Variants in THSD7B observed in about 807,000 individuals in gnomAD.
THSD7B encodes the protein thrombospondin type-1 domain-containing protein 7B.
In THSD7B, 138 loss-of-function variants were observed where a neutral mutation model predicts 213.6. The ratio of observed to expected loss-of-function variants is 0.65; its 90% CI spans 0.56 to 0.74. The LOEUF (loss-of-function observed/expected upper bound fraction) is 0.74, where lower values mean the gene tolerates loss of function less well. Among genes scored for constraint, THSD7B ranks in the 30% least tolerant of loss-of-function variants. The pLI is 0.00. For missense variants in THSD7B, 1,931 were observed against 1,991.5 expected (o/e 0.97, Z 0.58); for synonymous variants, 742 against 687.0 (o/e 1.08, Z -1.25).
At chr2:137,632,108 C>T (rs923948705) in intron 20 of THSD7B, among the ~76,000 whole-genome samples, 2 of 152,096 alleles carry the variant, frequency 1.3e-5, no homozygotes, top group African/African-American at 4.8e-5. Context: ...TCTCCAAAGC[C>T]CCCATTTGTT....
At chr2:137,611,648 A>G (rs1443920453) in intron 17 of THSD7B, among the ~76,000 whole-genome samples, 7 of 152,144 alleles carry the variant, frequency 4.6e-5, no homozygotes, top group Non-Finnish European at 1.0e-4. Flanking sequence ...AAGTTTGAAA[A>G]AACAAACAAA....
intron 15 of THSD7B, among the ~76,000 whole-genome samples, chr2:137,507,612 C>G (rs1385161608): frequency 6.6e-6 from 1 of 152,120 alleles, no homozygotes; most frequent in Non-Finnish European, 1.5e-5. Flanking sequence ...GTTATAATTA[C>G]CCTTCAAATA....
rs565638357 is a variant in THSD7B, at chr2:137,027,569, G to C, written c.140-28851G>C. On this transcript the variant is annotated intron_variant, in intron 2 of 27. Transcript: ENST00000409968. ...ATCCTCACTGAAGAAGTGCTTCCCA[G>C]TAACAAACATGTGCTATGAAAGAGG... Among the ~76,000 whole-genome samples, 6 of 152,270 alleles carry C rather than the reference G, an allele frequency of 3.9e-5. No homozygotes were observed. In the East Asian group the frequency reaches 1.2e-3, roughly 29 times the overall value.
At chr2:137,091,671 T>C (rs909174877) in intron 3 of THSD7B, among the ~76,000 whole-genome samples, 10 of 152,104 alleles carry the variant, frequency 6.6e-5, no homozygotes, top group African/African-American at 2.4e-4. Context: ...TTCCTGTGTA[T>C]GTGCCTGTGT....
chr2:137,115,305 G>T lies in THSD7B; in HGVS notation c.1369+12G>T. On this transcript the variant is annotated intron_variant, in intron 5 of 27. Transcript: ENST00000409968. ...GAGGGCCAAGGAAGGTAGGCAGCCAGTTCCGGGACAGATGGTGCACTGCTG... is the reference window on the plus strand; with the variant it reads ...GAGGGCCAAGGAAGGTAGGCAGCCATTTCCGGGACAGATGGTGCACTGCTG... The T allele has an allele frequency of 4.6e-6, 7 of 1,534,504 alleles. No homozygotes were observed. Among genetic ancestry groups the T allele is most frequent in the Non-Finnish European group, 6.1e-6 (7 of 1,144,214 alleles).
At chr2:137,541,192 A>T (rs1680603431) in intron 15 of THSD7B, among the ~76,000 whole-genome samples, 1 of 151,784 alleles carries the variant, frequency 6.6e-6, no homozygotes, top group Non-Finnish European at 1.5e-5. Context: ...AACAAATAAC[A>T]ATAACAAATA....
At chr2:137,062,936 T>C (rs1269158064) in intron 3 of THSD7B, among the ~76,000 whole-genome samples, 1 of 151,906 alleles carries the variant, frequency 6.6e-6, no homozygotes, top group East Asian at 1.9e-4. Context: ...AAATTTTGTC[T>C]ATTTGCAGTT....
intron 7 of THSD7B, among the ~76,000 whole-genome samples, chr2:137,227,593 G>T (rs1665029641): frequency 6.6e-6 from 1 of 152,092 alleles, no homozygotes; most frequent in South Asian, 2.1e-4. Context: ...CTTCTGAGAT[G>T]GGTTCTGTCT....
intron 12 of THSD7B, among the ~76,000 whole-genome samples, chr2:137,314,869 G>T (rs946636642): frequency 3.9e-5 from 6 of 152,358 alleles, no homozygotes; most frequent in Admixed American, 3.3e-4. Context: ...CCCGTTCTCA[G>T]ATCTCCAGCT....
chr2:137,345,316 T>A (rs112681569), intron 12 of THSD7B, among the ~76,000 whole-genome samples: 2,248 of 151,792 alleles, frequency 0.015, 51 homozygotes, highest in African/African-American at 0.051. Context: ...AACTTTCTTA[T>A]TAAGCACTTT....
intron 12 of THSD7B, among the ~76,000 whole-genome samples, chr2:137,316,375 C>G (rs1684099047): frequency 6.6e-6 from 1 of 152,224 alleles, no homozygotes; most frequent in Non-Finnish European, 1.5e-5. Context: ...CTCCAGGTTT[C>G]CCTGATGAGT....
chr2:137,128,493 G>A (rs1460855677), intron 5 of THSD7B, among the ~76,000 whole-genome samples: 1 of 152,044 alleles, frequency 6.6e-6, no homozygotes, highest in African/African-American at 2.4e-5. Flanking sequence ...AATCTAGTCT[G>A]GGCCTGAAAT....
chr2:137,344,279 G>C (rs144902780), intron 12 of THSD7B, among the ~76,000 whole-genome samples: 1,559 of 151,768 alleles, frequency 0.01, 17 homozygotes, highest in Non-Finnish European at 0.016. Context: ...CTAAGACACA[G>C]GGAGTTAAAT....
At chr2:136,862,988 G>C (rs1573675348) in intron 1 of THSD7B, among the ~76,000 whole-genome samples, 1 of 152,114 alleles carries the variant, frequency 6.6e-6, no homozygotes, top group African/African-American at 2.4e-5. Context: ...TATTGCTTAC[G>C]CTTTCTCTCC....
intron 15 of THSD7B, among the ~76,000 whole-genome samples, chr2:137,477,585 T>C (rs565224458): frequency 6.6e-6 from 1 of 152,124 alleles, no homozygotes; most frequent in South Asian, 2.1e-4. Context: ...TCTGGTAGTT[T>C]TGTTTCGTCT....
At position 136,968,126 on chromosome 2, in the gene THSD7B, G is replaced by T. The variant is rs184529642; in HGVS notation, c.139+85809G>T. Among the ~76,000 whole-genome samples, 323 of 152,176 alleles carry T rather than the reference G, an allele frequency of 2.1e-3. 1 individual carries two copies. Among genetic ancestry groups the T allele is most frequent in the Admixed American group, 0.018 (282 of 15,280 alleles). On this transcript the variant is annotated intron_variant, in intron 2 of 27. Coordinates refer to ENST00000409968, the MANE Select transcript of THSD7B (RefSeq NM_001316349.2). Reference sequence around the variant, plus strand: ...ATGTGCATGAGATTGTGTGGGATTTGTATTTTAGAATGCACTGACTGGGCA... The same window carrying T: ...ATGTGCATGAGATTGTGTGGGATTTTTATTTTAGAATGCACTGACTGGGCA...
Position 137,242,468 on chromosome 2 carries a change from C to T in THSD7B, c.2162C>T (p.Ser721Phe). 2 of 1,613,630 alleles carry T rather than the reference C, an allele frequency of 1.2e-6. No individual in the cohort carries two copies. The highest frequency in any genetic ancestry group is 1.7e-6 in the Non-Finnish European group (2 of 1,179,562). ...TTTCACATTGACAGATGTCCAGATT[C>T]TACTCGACCTGAAACTGTGCGCCCC... The part of the protein sequence containing the change: ...GQVMTKRCPD[S>F]TRPETVRPCF... Residue 721 changes from serine (S) to phenylalanine (F), a missense_variant, in exon 10 of 28, where the codon TCT (serine) becomes TTT (phenylalanine). Physicochemically the swap from Ser to Phe is radical, Grantham distance 155. Transcript: ENST00000409968.
At chr2:136,936,558 A>T (rs1684734312) in intron 2 of THSD7B, among the ~76,000 whole-genome samples, 1 of 152,222 alleles carries the variant, frequency 6.6e-6, no homozygotes, top group Admixed American at 6.5e-5. Flanking sequence ...TTCTAAGAAA[A>T]GTAACTCAGG....
intron 1 of THSD7B, among the ~76,000 whole-genome samples, chr2:136,800,657 T>C (rs1682161046): frequency 6.6e-6 from 1 of 151,860 alleles, no homozygotes; most frequent in African/African-American, 2.4e-5. Flanking sequence ...AGATGAGCCG[T>C]TTTTCAAGTA....
Sources: gnomAD v4.1 joint callset for allele counts (sites outside exome capture counted in the v4.1 genomes callset) on GRCh38, gnomAD v4.1.1 for gene constraint, MANE v1.5 for transcripts, NCBI Gene and HGNC (gene_info 2026-07-23, HGNC 2026-07-21) for gene names.